Variants in OGDHL observed in about 807,000 individuals in gnomAD.
The protein encoded by OGDHL is 2-oxoglutarate dehydrogenase-like, mitochondrial.
OGDHL carries 79 observed loss-of-function variants against 109.6 expected under a neutral mutation model. The ratio of observed to expected loss-of-function variants is 0.72; its 90% CI spans 0.60 to 0.87. OGDHL has a LOEUF of 0.87. OGDHL is among the 40% of genes least tolerant of loss of function. OGDHL has a pLI of 0.00. For missense variants in OGDHL, 1,275 were observed against 1,362.2 expected (o/e 0.94, Z 1.01); for synonymous variants, 528 against 537.2 (o/e 0.98, Z 0.24).
At chr10:49,752,592 G>C (rs898715889) in intron 4 of OGDHL, 46 bp downstream of exon 4, 1 of 1,536,476 alleles carries the variant, frequency 6.5e-7, no homozygotes, top group Admixed American at 1.7e-5. Flanking sequence ...CCCTTACTGG[G>C]CCACCCACAC....
intron 4 of OGDHL, 39 bp from the exon 5 acceptor site, chr10:49,752,287 TGGAG>T: frequency 2.0e-6 from 3 of 1,520,650 alleles, no homozygotes; most frequent in Non-Finnish European, 2.7e-6. Flanking sequence ...GGCAGCAAAG[TGGAG>T]GGAGGGAGGT....
chr10:49,756,909 G>T lies in OGDHL; in HGVS notation c.242C>A (p.Ala81Asp), dbSNP rs749342327. ...DSFFREASEE[A>D]FSGSAQPRPP... Reference sequence around the variant, plus strand: ...CCGTGGCTGAGCAGAGCCAGAAAAGGCTTCCTCGCTGGCTTCCCTGAAGAA... The same window carrying T: ...CCGTGGCTGAGCAGAGCCAGAAAAGTCTTCCTCGCTGGCTTCCCTGAAGAA... Residue 81 changes from alanine (A) to aspartate (D), a missense_variant, in exon 3 of 23, where the codon GCC becomes GAC. Ala to Asp is a moderately radical substitution (Grantham distance 126, BLOSUM62 -2). Coordinates refer to ENST00000374103, the MANE Select transcript of OGDHL (RefSeq NM_018245.3). The T allele has an allele frequency of 1.2e-6, 2 of 1,613,640 alleles. No homozygotes were observed. Among genetic ancestry groups the T allele is most frequent in the African/African-American group, 2.7e-5 (2 of 74,936 alleles).
chr10:49,742,441 A>T (rs150009587), intron 15 of OGDHL, among the ~76,000 whole-genome samples: 29 of 11,088 alleles, frequency 2.6e-3, no homozygotes, highest in African/African-American at 6.5e-3. Flanking sequence ...ACATACAACA[A>T]ACACACCACA....
chr10:49,736,581 G>A, intron 20 of OGDHL, 61 bp from the exon 21 acceptor site: 2 of 1,549,316 alleles, frequency 1.3e-6, no homozygotes, highest in Non-Finnish European at 1.7e-6. Flanking sequence ...GGCAGCTCAG[G>A]ACCAGGCCTG....
At chr10:49,756,726 A>G (rs1218246563) in intron 3 of OGDHL, 50 bp downstream of exon 3, 2 of 1,544,526 alleles carry the variant, frequency 1.3e-6, no homozygotes, top group Non-Finnish European at 8.8e-7. Flanking sequence ...GCCTGGCCAC[A>G]CCCCAGGAGC....
chr10:49,745,103 C>T (rs1034619583), intron 12 of OGDHL, among the ~76,000 whole-genome samples: 4 of 152,234 alleles, frequency 2.6e-5, no homozygotes, highest in African/African-American at 7.2e-5. Context: ...GAAGCCTTCC[C>T]GCACTCCTGC....
intron 16 of OGDHL, among the ~76,000 whole-genome samples, chr10:49,740,273 G>T (rs576691981): frequency 1.2e-4 from 18 of 152,218 alleles, no homozygotes; most frequent in African/African-American, 4.3e-4. Context: ...ATGCACAGGG[G>T]ACACAGGCAG....
At chr10:49,737,701 G>A in intron 20 of OGDHL, 85 bp downstream of exon 20, 1 of 1,452,648 alleles carries the variant, frequency 6.9e-7, no homozygotes, top group Middle Eastern at 2.1e-4. Context: ...CAGAGGGGAG[G>A]TTGGAGAAGC....
At chr10:49,762,372 T>A (rs1044028176), upstream of OGDHL, 1 of 152,074 alleles carries the variant, frequency 6.6e-6, no homozygotes, top group African/African-American at 2.4e-5. Flanking sequence ...CGCGCGCCCC[T>A]GAGACTCCGC....
At position 49,749,789 on chromosome 10, in the gene OGDHL, C is replaced by G. The variant is rs111886970; in HGVS notation, c.924G>C (p.Val308=). The G allele has an allele frequency of 5.4e-5, 86 of 1,600,770 alleles. 1 individual carries two copies. In the African/African-American group the frequency reaches 8.7e-4, roughly 16 times the overall value. ...HRGRLNVLAN[V]IRKDLEQIFC... Reference sequence around the variant, plus strand: ...AGATCTGCTCCAGGTCCTTGCGGATCACGTTGGCCAGCACGTTCAGCCTTC... The same window carrying G: ...AGATCTGCTCCAGGTCCTTGCGGATGACGTTGGCCAGCACGTTCAGCCTTC... Residue 308 remains valine (V), a synonymous_variant, in exon 8 of 23, where the codon GTG becomes GTC. Coordinates refer to ENST00000374103, the MANE Select transcript of OGDHL (RefSeq NM_018245.3).
chr10:49,757,735 C>T (rs1298486622), intron 2 of OGDHL, among the ~76,000 whole-genome samples: 1 of 152,120 alleles, frequency 6.6e-6, no homozygotes, highest in Non-Finnish European at 1.5e-5. Context: ...CATCACCAAG[C>T]GAAAACAGCA....
At chr10:49,745,535 G>A (rs765282980) in intron 11 of OGDHL, 39 bp from the exon 12 acceptor site, 36 of 1,610,472 alleles carry the variant, frequency 2.2e-5, no homozygotes, top group Middle Eastern at 1.7e-4. Flanking sequence ...CCTTCCCTAC[G>A]CTGTGTGGTC....
At chr10:49,756,679 G>C (rs1842934985) in intron 3 of OGDHL, 97 bp downstream of exon 3, 2 of 1,222,338 alleles carry the variant, frequency 1.6e-6, no homozygotes, top group Non-Finnish European at 2.2e-6. Flanking sequence ...GGCTCTCTGG[G>C]GAGATGATGT....
In OGDHL at chr10:49,747,020, T is replaced by C. The variant is rs1310300606; in HGVS notation, c.1167+9A>G. ...CCCAGGTCCTCTGGGTTCCCCCAGGTGAGCTCACCTTCTTGCCCTGGGCAT... is the reference window on the plus strand; with the variant it reads ...CCCAGGTCCTCTGGGTTCCCCCAGGCGAGCTCACCTTCTTGCCCTGGGCAT... On this transcript the variant is annotated intron_variant, in intron 9 of 22. Coordinates refer to ENST00000374103, the MANE Select transcript of OGDHL (RefSeq NM_018245.3). 4 of 1,612,958 alleles carry C rather than the reference T, an allele frequency of 2.5e-6. No individual in the cohort carries two copies. In the Middle Eastern group the frequency reaches 5.0e-4, roughly 202 times the overall value.
chr10:49,744,774 G>A (rs140760431), intron 12 of OGDHL, 22 bp from the exon 13 acceptor site: 25 of 1,598,216 alleles, frequency 1.6e-5, no homozygotes, highest in Non-Finnish European at 2.1e-5. Context: ...ATGAAGATGT[G>A]GACAGAGCAC....
chr10:49,748,929 C>T lies in OGDHL; in HGVS notation c.987+797G>A, dbSNP rs549751301. On this transcript the variant is annotated intron_variant, in intron 8 of 22. Coordinates refer to ENST00000374103, the MANE Select transcript of OGDHL (RefSeq NM_018245.3). ...ACTTTGAAAGAGGCTAGGCAGTGGC[C>T]GGAAGCGGTGGCTCCATGCCTGTAA... Among the ~76,000 whole-genome samples, 21 of 152,192 alleles carry T rather than the reference C, an allele frequency of 1.4e-4. No individual in the cohort carries two copies. In the South Asian group the frequency reaches 2.1e-3, roughly 15 times the overall value.
intron 8 of OGDHL, among the ~76,000 whole-genome samples, chr10:49,748,257 A>G (rs1203985644): frequency 6.6e-6 from 1 of 152,266 alleles, no homozygotes; most frequent in African/African-American, 2.4e-5. Flanking sequence ...CCATGTGTGC[A>G]GGCAGGAAAC....
intron 3 of OGDHL, among the ~76,000 whole-genome samples, chr10:49,756,392 G>C (rs907873189): frequency 9.2e-5 from 14 of 152,174 alleles, no homozygotes; most frequent in African/African-American, 3.4e-4. Context: ...GGCACCTGCT[G>C]TATCAGTCCC....
chr10:49,739,634 G>C, intron 17 of OGDHL, 27 bp downstream of exon 17: 1 of 1,605,870 alleles, frequency 6.2e-7, no homozygotes, highest in South Asian at 1.1e-5. Flanking sequence ...AACCCACCAA[G>C]CCACCAGCCA....
Sources: allele counts gnomAD v4.1 joint callset (sites outside exome capture counted in the v4.1 genomes callset), GRCh38; gene constraint gnomAD v4.1.1; transcripts MANE v1.5; gene names NCBI Gene and HGNC (gene_info 2026-07-23, HGNC 2026-07-21).